CA4: variants seen among roughly 807,000 people sequenced by gnomAD.
CA4 encodes the protein carbonic anhydrase 4.
CA4 carries 24 observed loss-of-function variants against 34.5 expected under a neutral mutation model. The observed-to-expected ratio is 0.70, with a 90% CI of 0.50 to 0.98. CA4 has a LOEUF of 0.98. Among genes scored for constraint, CA4 ranks in the 50% least tolerant of loss-of-function variants. The probability of loss-of-function intolerance (pLI) is 0.00; values close to 1 mark genes in which losing one functional copy is unlikely to be tolerated. For missense variants in CA4, 394 were observed against 396.7 expected, an observed-to-expected ratio of 0.99 and a Z score of 0.06; for synonymous variants, 178 against 170.6, an observed-to-expected ratio of 1.04 and a Z score of -0.34.
chr17:60,150,061 C>G lies in CA4; in HGVS notation c.27C>G (p.Ala9=), dbSNP rs1004624253. The G allele has an allele frequency of 4.3e-5, 69 of 1,600,922 alleles. No homozygotes were observed. The highest frequency in any genetic ancestry group is 5.3e-5 in the Non-Finnish European group (63 of 1,179,146). Residue 9 remains alanine (A), a synonymous_variant, in exon 1 of 8, where the codon GCC becomes GCG. Coordinates refer to ENST00000300900, the MANE Select transcript of CA4 (RefSeq NM_000717.5). MRMLLALL[A]LSAARPSASA... Reference sequence around the variant, plus strand: ...TGCGGATGCTGCTGGCGCTCCTGGCCCTCTCCGCGGCGCGGCCATCGGCCA... The same window carrying G: ...TGCGGATGCTGCTGGCGCTCCTGGCGCTCTCCGCGGCGCGGCCATCGGCCA...
Position 60,159,499 on chromosome 17 carries a change from AG to A in CA4, c.*77del, listed in dbSNP as rs1366799529. On this transcript the variant is annotated 3_prime_UTR_variant, in exon 8 of 8. Coordinates refer to ENST00000300900, the MANE Select transcript of CA4 (RefSeq NM_000717.5). Reference sequence around the variant, plus strand: ...CAGGCTTCCGGTCCTTAGCCTTCCCAGGTGGGACTTTAGGCATGATTAAAAT... The same window carrying A: ...CAGGCTTCCGGTCCTTAGCCTTCCCAGTGGGACTTTAGGCATGATTAAAAT... The A allele has an allele frequency of 6.7e-7, 1 of 1,492,512 alleles. No individual in the cohort carries two copies. The highest frequency in any genetic ancestry group is 2.3e-5 in the East Asian group (1 of 43,224). 92.5% of individuals were successfully genotyped at this position (1,492,512 alleles called of 1,614,324 possible). A position where few individuals can be genotyped will look rare whatever the true frequency, so the allele number is the denominator to read the frequency against.
chr17:60,152,244 C>T (rs1033837682), intron 1 of CA4, among the ~76,000 whole-genome samples: 7 of 151,946 alleles, frequency 4.6e-5, no homozygotes, highest in Admixed American at 3.9e-4. Flanking sequence ...TGGGCTGGTA[C>T]TTACCTGCAA....
chr17:60,155,415 C>T, intron 2 of CA4, 48 bp downstream of exon 2: 1 of 1,504,984 alleles, frequency 6.6e-7, no homozygotes, highest in Non-Finnish European at 9.1e-7. Flanking sequence ...TGGTGGGCAC[C>T]ACGCAAGCCG....
chr17:60,172,830 G>A (rs1054573786), downstream of CA4, among the ~76,000 whole-genome samples: 2 of 150,688 alleles, frequency 1.3e-5, no homozygotes, highest in African/African-American at 4.9e-5. Context: ...GGCGACAAGA[G>A]TGAAACTCCG....
At chr17:60,154,304 G>A (rs146305069) in intron 1 of CA4, among the ~76,000 whole-genome samples, 12 of 152,180 alleles carry the variant, frequency 7.9e-5, no homozygotes, top group South Asian at 4.1e-4. Flanking sequence ...GTGCCAAGCC[G>A]CCTGAAACCT....
At chr17:60,151,620 G>A (rs2083593347) in intron 1 of CA4, 1 of 152,208 alleles carries the variant, frequency 6.6e-6, no homozygotes, top group South Asian at 2.1e-4. Flanking sequence ...GGGTTTAAGT[G>A]ATTAGTGCGG....
At chr17:60,173,844 G>A (rs1248486308), downstream of CA4, among the ~76,000 whole-genome samples, 1 of 152,158 alleles carries the variant, frequency 6.6e-6, no homozygotes, top group African/African-American at 2.4e-5. Context: ...GCAGGACTCT[G>A]GACTCAGCAT....
chr17:60,153,207 A>C (rs1335350307), intron 1 of CA4, among the ~76,000 whole-genome samples: 1 of 152,114 alleles, frequency 6.6e-6, no homozygotes, highest in South Asian at 2.1e-4. Flanking sequence ...GCATGGTGGT[A>C]CATGCCTGTA....
At chr17:60,150,404 T>C (rs932857757) in intron 1 of CA4, among the ~76,000 whole-genome samples, 5 of 151,542 alleles carry the variant, frequency 3.3e-5, no homozygotes, top group Admixed American at 6.6e-5. Flanking sequence ...CGGGCGCGGG[T>C]GCTCCAGCCT....
chr17:60,156,745 T>G, intron 3 of CA4, 30 bp downstream of exon 3: 1 of 1,607,762 alleles, frequency 6.2e-7, no homozygotes, highest in Non-Finnish European at 8.5e-7. Flanking sequence ...CAGGCAGGCC[T>G]GGGCACCCGA....
At position 60,157,600 on chromosome 17, in the gene CA4, TGTCTG is replaced by T. The variant is rs752006720; in HGVS notation, c.414+30_414+34del. On this transcript the variant is annotated intron_variant, in intron 4 of 7. Coordinates refer to ENST00000300900, the MANE Select transcript of CA4 (RefSeq NM_000717.5). Reference sequence around the variant, plus strand: ...GAGGGCCCCTTCCCGACTGGGACCTTGTCTGGGCTCTGGGCGCGCACCTGCCTTGG... The same window carrying T: ...GAGGGCCCCTTCCCGACTGGGACCTTGGCTCTGGGCGCGCACCTGCCTTGG... The T allele has an allele frequency of 2.8e-5, 46 of 1,614,062 alleles. No individual in the cohort carries two copies. The African/African-American group carries it at 6.1e-4, about 22-fold the overall frequency.
At chr17:60,163,600 C>T (rs1267859975), downstream of CA4, among the ~76,000 whole-genome samples, 2 of 152,188 alleles carry the variant, frequency 1.3e-5, no homozygotes, top group African/African-American at 4.8e-5. Context: ...GGCATTCTTT[C>T]CCCCAGGGAC....
rs1481588891 is a variant in CA4 at position 60,158,413 on chromosome 17, G to C, written c.711G>C (p.Val237=). The C allele has an allele frequency of 6.2e-7, 1 of 1,614,110 alleles. No homozygotes were observed. The highest frequency in any genetic ancestry group is 8.5e-7 in the Non-Finnish European group (1 of 1,180,026). The change falls in exon 7 of 8, where the codon GTG becomes GTC. Residue 237 remains valine, a synonymous_variant. Transcript: ENST00000300900. ...PTCDEKVVWT[V]FREPIQLHRE... is the part of the protein sequence containing the mutation. ...GCGATGAGAAGGTCGTCTGGACTGT[G>C]TTCCGGGAGCCCATTCAGCTTCACA...
downstream of CA4, among the ~76,000 whole-genome samples, chr17:60,162,744 G>T (rs1025324224): frequency 6.6e-6 from 1 of 152,158 alleles, no homozygotes; most frequent in Non-Finnish European, 1.5e-5. Context: ...GGTGGGGGCC[G>T]TGCTGCAATC....
intron 5 of CA4, 21 bp from the exon 6 acceptor site, chr17:60,158,039 AG>A: frequency 4.3e-6 from 7 of 1,613,350 alleles, no homozygotes; most frequent in Non-Finnish European, 5.9e-6. Flanking sequence ...GACTTTCTCA[AG>A]ACCCTTCCCT....
chr17:60,169,638 G>A (rs536648859), intron 5 of CA4, among the ~76,000 whole-genome samples: 3 of 152,080 alleles, frequency 2.0e-5, no homozygotes, highest in Non-Finnish European at 4.4e-5. Flanking sequence ...ACGGGCATGC[G>A]CCACCATGCT....
intron 1 of CA4, among the ~76,000 whole-genome samples, chr17:60,151,908 C>T (rs767575678): frequency 6.6e-6 from 1 of 152,168 alleles, no homozygotes; most frequent in Non-Finnish European, 1.5e-5. Flanking sequence ...GAGCCCCAGA[C>T]CCCTGGCCGG....
chr17:60,176,437 T>C, the CA4 span, among the ~76,000 whole-genome samples: 1 of 151,858 alleles, frequency 6.6e-6, no homozygotes, highest in African/African-American at 2.4e-5. Flanking sequence ...AACTGTCTCC[T>C]TGGATCTCCC....
chr17:60,153,837 G>A (rs896139162), intron 1 of CA4, among the ~76,000 whole-genome samples: 27 of 152,218 alleles, frequency 1.8e-4, no homozygotes, highest in Non-Finnish European at 3.5e-4. Context: ...AGCCCTGCCC[G>A]GGGCTGGGGA....
Sources: allele counts gnomAD v4.1 joint callset (sites outside exome capture counted in the v4.1 genomes callset), GRCh38; gene constraint gnomAD v4.1.1; transcripts MANE v1.5; gene names NCBI Gene and HGNC (gene_info 2026-07-23, HGNC 2026-07-21).